Variants in CNTNAP5 observed in about 807,000 individuals in gnomAD.
The protein encoded by CNTNAP5 is contactin associated protein family member 5, also known as contactin-associated protein-like 5.
CNTNAP5 carries 72 observed loss-of-function variants against 150.2 expected under a neutral mutation model. The observed-to-expected ratio is 0.48, with a 90% CI of 0.40 to 0.58. The LOEUF is 0.58. Among genes scored for constraint, CNTNAP5 ranks in the 20% least tolerant of loss-of-function variants. The pLI, the probability that CNTNAP5 is intolerant of heterozygous loss-of-function variation, is 0.00. For missense variants in CNTNAP5, 1,636 were observed against 1,626.2 expected, an observed-to-expected ratio of 1.01 and a Z score of -0.10; for synonymous variants, 672 against 619.8, an observed-to-expected ratio of 1.08 and a Z score of -1.25.
At chr2:124,724,282 GA>G (rs574434699) in intron 13 of CNTNAP5, among the ~76,000 whole-genome samples, 104 of 152,130 alleles carry the variant, frequency 6.8e-4, no homozygotes, top group African/African-American at 2.3e-3. Context: ...CCATGTGGTT[GA>G]TTATAAAGAA....
At chr2:124,149,756 ACTC>A (rs1328676642) in intron 1 of CNTNAP5, among the ~76,000 whole-genome samples, 2 of 151,618 alleles carry the variant, frequency 1.3e-5, no homozygotes, top group African/African-American at 2.4e-5. Flanking sequence ...TAAAAATAAA[ACTC>A]CTCCCATTTT....
chr2:124,703,937 T>C (rs1301764877), intron 13 of CNTNAP5, among the ~76,000 whole-genome samples: 1 of 152,184 alleles, frequency 6.6e-6, no homozygotes, highest in South Asian at 2.1e-4. Flanking sequence ...TAGATTTAGA[T>C]ATGAGTTTTT....
intron 12 of CNTNAP5, among the ~76,000 whole-genome samples, chr2:124,647,556 A>C (rs929511944): frequency 2.6e-5 from 4 of 152,216 alleles, no homozygotes; most frequent in Non-Finnish European, 5.9e-5. Flanking sequence ...AGGGCTCCGC[A>C]AATTGAGCTC....
intron 1 of CNTNAP5, among the ~76,000 whole-genome samples, chr2:124,118,864 T>G (rs1009376258): frequency 6.6e-6 from 1 of 152,226 alleles, no homozygotes; most frequent in Non-Finnish European, 1.5e-5. Flanking sequence ...CCACATAATT[T>G]GTCCAGAATC....
intron 13 of CNTNAP5, among the ~76,000 whole-genome samples, chr2:124,684,494 G>A (rs913063650): frequency 6.6e-6 from 1 of 152,108 alleles, no homozygotes; most frequent in Non-Finnish European, 1.5e-5. Context: ...TCTCCCTGGA[G>A]AGCTGACTTT....
chr2:124,865,488 C>G (rs1487180414), intron 20 of CNTNAP5, 52 bp downstream of exon 20: 1 of 1,529,118 alleles, frequency 6.5e-7, no homozygotes, highest in African/African-American at 1.4e-5. Flanking sequence ...GCTACTCTAT[C>G]AAACTTTTCT....
intron 4 of CNTNAP5, among the ~76,000 whole-genome samples, chr2:124,431,116 G>T (rs958715780): frequency 1.3e-5 from 2 of 152,104 alleles, no homozygotes; most frequent in Non-Finnish European, 2.9e-5. Context: ...TGTTAGACTC[G>T]TTCTACTGAT....
At chr2:124,156,760 A>T (rs527689904) in intron 1 of CNTNAP5, among the ~76,000 whole-genome samples, 49 of 152,234 alleles carry the variant, frequency 3.2e-4, no homozygotes, top group African/African-American at 1.1e-3. Flanking sequence ...AAGTGCTGGG[A>T]TTACAGGCGT....
At chr2:124,431,059 C>G (rs1692365814) in intron 4 of CNTNAP5, among the ~76,000 whole-genome samples, 1 of 152,146 alleles carries the variant, frequency 6.6e-6, no homozygotes, top group Admixed American at 6.5e-5. Flanking sequence ...TCAACCAACA[C>G]CTGCCCCCAG....
At chr2:124,331,314 G>A (rs923288393) in intron 3 of CNTNAP5, among the ~76,000 whole-genome samples, 2 of 152,000 alleles carry the variant, frequency 1.3e-5, no homozygotes, top group Admixed American at 6.6e-5. Context: ...TAATTTAATA[G>A]CCAAAATTAT....
intron 12 of CNTNAP5, among the ~76,000 whole-genome samples, chr2:124,621,044 A>G (rs1422046004): frequency 6.6e-6 from 1 of 152,154 alleles, no homozygotes; most frequent in East Asian, 1.9e-4. Context: ...AATATTGATA[A>G]AACAGAATTA....
chr2:124,678,046 GT>G (rs1396655434), intron 13 of CNTNAP5, among the ~76,000 whole-genome samples: 9 of 151,786 alleles, frequency 5.9e-5, no homozygotes, highest in African/African-American at 1.7e-4. Flanking sequence ...CTGCCTTTTT[GT>G]TTGTCTAGTT....
intron 1 of CNTNAP5, among the ~76,000 whole-genome samples, chr2:124,076,963 C>A (rs1046747657): frequency 2.6e-5 from 4 of 152,108 alleles, no homozygotes; most frequent in Non-Finnish European, 4.4e-5. Flanking sequence ...ATTTCAGAAC[C>A]TCAGTGTCCT....
intron 1 of CNTNAP5, among the ~76,000 whole-genome samples, chr2:124,115,902 CA>C (rs1167740226): frequency 2.4e-4 from 36 of 151,712 alleles, no homozygotes; most frequent in African/African-American, 8.2e-4. Flanking sequence ...CTCAGTCTCT[CA>C]AGGTGCTGGG....
rs540013905 is a variant in CNTNAP5, at chr2:124,427,444, G to GT, written c.530-7033dup. Among the ~76,000 whole-genome samples the GT allele has an allele frequency of 5.0e-3, 764 of 151,782 alleles. 6 individuals carry two copies. The highest frequency in any genetic ancestry group is 8.4e-3 in the African/African-American group (346 of 41,408). On this transcript the variant is annotated intron_variant, in intron 4 of 23. Coordinates refer to ENST00000682447, the MANE Select transcript of CNTNAP5 (RefSeq NM_001367498.1). ...ATTGAAACCCATATTATTTTATTTT[G>GT]TTTTTTTATTATTATTTATTTATTT...
chr2:124,768,425 T>C, intron 16 of CNTNAP5, among the ~76,000 whole-genome samples: 1 of 152,152 alleles, frequency 6.6e-6, no homozygotes, highest in East Asian at 1.9e-4. Context: ...AATATGATGT[T>C]AACTTGGACA....
At chr2:124,754,647 T>G (rs1381136446) in intron 14 of CNTNAP5, among the ~76,000 whole-genome samples, 1 of 152,192 alleles carries the variant, frequency 6.6e-6, no homozygotes, top group East Asian at 1.9e-4. Flanking sequence ...AACTTGATAC[T>G]GGCTTCCTTA....
chr2:124,476,947 A>T (rs919325279), intron 7 of CNTNAP5, among the ~76,000 whole-genome samples: 2 of 152,104 alleles, frequency 1.3e-5, no homozygotes, highest in African/African-American at 4.8e-5. Flanking sequence ...AGCATACTTA[A>T]AACAGATCAG....
intron 11 of CNTNAP5, among the ~76,000 whole-genome samples, chr2:124,567,413 T>G (rs990353420): frequency 6.6e-6 from 1 of 152,182 alleles, no homozygotes; most frequent in African/African-American, 2.4e-5. Context: ...AAGAAAAACA[T>G]GATGAATGTG....
Sources: gnomAD v4.1 joint callset for allele counts (sites outside exome capture counted in the v4.1 genomes callset) on GRCh38, gnomAD v4.1.1 for gene constraint, MANE v1.5 for transcripts, NCBI Gene and HGNC (gene_info 2026-07-23, HGNC 2026-07-21) for gene names.